Variants in TYRO3 observed in about 807,000 individuals in gnomAD.
TYRO3 encodes the protein TYRO3 protein tyrosine kinase, also known as tyrosine-protein kinase receptor TYRO3.
Under a neutral mutation model 95.2 loss-of-function variants are expected in TYRO3, and 38 were observed. The ratio of observed to expected loss-of-function variants is 0.40; its 90% CI spans 0.31 to 0.52. The LOEUF is 0.52. Ranked by LOEUF, TYRO3 falls within the 20% of genes least tolerant of loss-of-function variation. TYRO3 has a pLI of 0.56. For missense variants in TYRO3, 812 were observed against 1,116.4 expected (o/e 0.73, Z 3.89); for synonymous variants, 367 against 432.9 (o/e 0.85, Z 1.89).
At chr15:41,566,729 C>T (rs902207855) in intron 6 of TYRO3, among the ~76,000 whole-genome samples, 5 of 152,200 alleles carry the variant, frequency 3.3e-5, no homozygotes, top group African/African-American at 4.8e-5. Context: ...CATTCTGACT[C>T]GGGACTCCAG....
chr15:41,563,180 G>A (rs1015694633), intron 4 of TYRO3, among the ~76,000 whole-genome samples: 1 of 152,004 alleles, frequency 6.6e-6, no homozygotes, highest in Non-Finnish European at 1.5e-5. Context: ...AAAGATACAG[G>A]GCCTCCTCCC....
At position 41,582,995 on chromosome 15, in the gene TYRO3, G is replaced by GT. The variant is rs373111760; in HGVS notation, c.*4720dup. 1.7e-4 allele frequency: 15 copies of GT among 86,920 alleles called. No homozygotes were observed. Among genetic ancestry groups the GT allele is most frequent in the South Asian group, 3.7e-4 (1 of 2,730 alleles). The allele number at this position is 86,920 out of a possible 1,614,324, so 5.4% of individuals were successfully genotyped here. On this transcript the variant is annotated 3_prime_UTR_variant, in exon 19 of 19. Coordinates refer to ENST00000263798, the MANE Select transcript of TYRO3 (RefSeq NM_006293.4). The stretch of plus-strand genomic sequence containing the variant: ...GCCACTGCACCTGGCAAATTTTTAA[G>GT]TGTTTTTTTTTTTTTTTAATACAGA...
At chr15:41,564,968 C>T (rs1180066656) in intron 5 of TYRO3, 58 bp from the exon 6 acceptor site, 3 of 1,194,718 alleles carry the variant, frequency 2.5e-6, no homozygotes, top group African/African-American at 1.5e-5. Context: ...ACTCCCATGC[C>T]TCCTGCTGCC....
chr15:41,561,038 A>T, intron 1 of TYRO3, 89 bp from the exon 2 acceptor site: 1 of 1,400,374 alleles, frequency 7.1e-7, no homozygotes, highest in Non-Finnish European at 9.9e-7. Context: ...TCTGTCTGAC[A>T]CAGAAGCTAC....
intron 12 of TYRO3, 50 bp from the exon 13 acceptor site, chr15:41,570,988 C>CA: frequency 6.3e-7 from 1 of 1,577,436 alleles, no homozygotes; most frequent in Non-Finnish European, 8.7e-7. Flanking sequence ...GGAAGGTTGG[C>CA]AGGGAGCAGA....
intron 2 of TYRO3, 30 bp from the exon 3 acceptor site, chr15:41,561,509 G>T: frequency 7.5e-7 from 1 of 1,339,148 alleles, no homozygotes; most frequent in East Asian, 2.5e-5. Context: ...CCTTGCCCTC[G>T]GAAGCAAGCC....
At chr15:41,567,022 T>C (rs979236001) in intron 6 of TYRO3, among the ~76,000 whole-genome samples, 1 of 152,152 alleles carries the variant, frequency 6.6e-6, no homozygotes, top group East Asian at 1.9e-4. Flanking sequence ...GTGGTAAGTA[T>C]ACCCTAAGAG....
At chr15:41,565,870 G>A (rs540826639) in intron 6 of TYRO3, among the ~76,000 whole-genome samples, 1 of 152,300 alleles carries the variant, frequency 6.6e-6, no homozygotes, top group African/African-American at 2.4e-5. Flanking sequence ...TGGAAAAACT[G>A]TGTAAGGTGA....
intron 6 of TYRO3, among the ~76,000 whole-genome samples, chr15:41,565,874 A>G (rs934050247): frequency 6.6e-6 from 1 of 152,182 alleles, no homozygotes; most frequent in Non-Finnish European, 1.5e-5. Context: ...AAAACTGTGT[A>G]AGGTGATACT....
At chr15:41,569,053 C>A (rs760192803) in intron 9 of TYRO3, 31 bp downstream of exon 9, 1 of 1,611,190 alleles carries the variant, frequency 6.2e-7, no homozygotes. Context: ...GGGGCAGAGG[C>A]TCAGGGGATC....
chr15:41,565,408 T>G (rs1221819467), intron 6 of TYRO3, among the ~76,000 whole-genome samples: 1 of 151,750 alleles, frequency 6.6e-6, no homozygotes, highest in Non-Finnish European at 1.5e-5. Context: ...GGAAGGTTTT[T>G]CTTTCTTTCT....
At chr15:41,561,410 G>A (rs958812752) in intron 2 of TYRO3, 100 bp downstream of exon 2, 35 of 1,488,416 alleles carry the variant, frequency 2.4e-5, no homozygotes, top group Non-Finnish European at 2.8e-5. Context: ...ATGCCCAGAG[G>A]TCTGTGGTTT....
At position 41,581,702 on chromosome 15, in the gene TYRO3, C is replaced by G. The variant is rs574624674; in HGVS notation, c.*3426C>G. 6.6e-6 allele frequency: 1 copy of G among 151,932 alleles called. No homozygotes were observed. The highest frequency in any genetic ancestry group is 2.4e-5 in the African/African-American group (1 of 41,302). The allele number at this position is 151,932 out of a possible 1,614,324, so 9.4% of individuals were successfully genotyped here. On this transcript the variant is annotated 3_prime_UTR_variant, in exon 19 of 19. Coordinates refer to ENST00000263798, the MANE Select transcript of TYRO3 (RefSeq NM_006293.4). The stretch of plus-strand genomic sequence containing the variant: ...AACTAGCCAGGAGTGGTGGCAGGCA[C>G]CTGTAATCCCAGCTACTTGGGAGGC...
At chr15:41,563,967 A>G (rs2055688983) in intron 4 of TYRO3, among the ~76,000 whole-genome samples, 2 of 152,134 alleles carry the variant, frequency 1.3e-5, no homozygotes, top group Admixed American at 1.3e-4. Flanking sequence ...CCTGATTCTC[A>G]CAATTCTCCC....
At position 41,582,713 on chromosome 15, in the gene TYRO3, T is replaced by C. The variant is rs1342608528; in HGVS notation, c.*4437T>C. On this transcript the variant is annotated 3_prime_UTR_variant, in exon 19 of 19. Transcript: ENST00000263798. ...AAATAATAATAATATAGTTTATTTT[T>C]CAGTATTTCATGTTGATTTATCTCA... 1 of 152,166 alleles carries C rather than the reference T, an allele frequency of 6.6e-6. No individual in the cohort carries two copies. The highest frequency in any genetic ancestry group is 1.5e-5 in the Non-Finnish European group (1 of 68,022). The allele number at this position is 152,166 out of a possible 1,614,324, so 9.4% of individuals were successfully genotyped here. A position where few individuals can be genotyped will look rare whatever the true frequency, so the allele number is the denominator to read the frequency against.
intron 1 of TYRO3, 22 bp downstream of exon 1, chr15:41,559,403 G>A (rs1395613252): frequency 5.7e-6 from 2 of 348,728 alleles, no homozygotes; most frequent in Non-Finnish European, 1.0e-5. Flanking sequence ...CACGGGAGGC[G>A]GCGGGAAGCG....
chr15:41,567,123 G>A (rs1323734001), intron 6 of TYRO3, among the ~76,000 whole-genome samples: 1 of 152,162 alleles, frequency 6.6e-6, no homozygotes, highest in African/African-American at 2.4e-5. Flanking sequence ...AGTCTTAAAG[G>A]ATGAGTAGGC....
At chr15:41,576,722 A>G (rs952203502) in intron 18 of TYRO3, among the ~76,000 whole-genome samples, 2 of 145,322 alleles carry the variant, frequency 1.4e-5, no homozygotes, top group African/African-American at 5.1e-5. Flanking sequence ...GGAGTGCAGT[A>G]ATGCAATCAC....
At chr15:41,563,846 C>A (rs1048555795) in intron 4 of TYRO3, among the ~76,000 whole-genome samples, 2 of 152,114 alleles carry the variant, frequency 1.3e-5, no homozygotes. Context: ...AAAAGAGTGA[C>A]CAGAAAAGGG....
Sources: allele counts gnomAD v4.1 joint callset (sites outside exome capture counted in the v4.1 genomes callset), GRCh38; gene constraint gnomAD v4.1.1; transcripts MANE v1.5; gene names NCBI Gene and HGNC (gene_info 2026-07-23, HGNC 2026-07-21).